The following CFAP54 variants were observed in gnomAD, a reference collection of about 807,000 sequenced individuals.
CFAP54 encodes cilia and flagella associated protein 54, also known as cilia- and flagella-associated protein 54.
Under a neutral mutation model 370.4 loss-of-function variants are expected in CFAP54, and 290 were observed. That is an observed-to-expected ratio of 0.78 (90% CI 0.71 to 0.86). The LOEUF (loss-of-function observed/expected upper bound fraction) is 0.86, where lower values mean the gene tolerates loss of function less well. CFAP54 is among the 40% of genes least tolerant of loss of function. CFAP54 has a pLI of 0.00. For missense variants in CFAP54, 3,399 were observed against 3,528.7 expected (o/e 0.96, Z 0.93); for synonymous variants, 1,206 against 1,236.5 (o/e 0.98, Z 0.52).
intron 21 of CFAP54, 50 bp downstream of exon 21, chr12:96,580,739 T>G: frequency 8.1e-7 from 1 of 1,240,760 alleles, no homozygotes. Flanking sequence ...TTAATGATAA[T>G]TAAATTTTTA....
chr12:96,661,786 C>T (rs887477545), intron 38 of CFAP54, among the ~76,000 whole-genome samples: 18 of 152,132 alleles, frequency 1.2e-4, no homozygotes, highest in Non-Finnish European at 4.4e-5. Context: ...CCTCTCTTTC[C>T]TCCTCATAGT....
intron 14 of CFAP54, among the ~76,000 whole-genome samples, chr12:96,542,981 A>G (rs1310647688): frequency 1.3e-5 from 2 of 152,140 alleles, no homozygotes; most frequent in Non-Finnish European, 2.9e-5. Context: ...ATTTCCCTCC[A>G]TGTGATGTTG....
chr12:96,828,970 CTAA>C (rs1373655690), intron 65 of CFAP54, 41 bp from the exon 66 acceptor site: 1 of 1,004,114 alleles, frequency 1.0e-6, no homozygotes, highest in East Asian at 2.6e-5. Context: ...ATTTAGGTTT[CTAA>C]TAATATCAAC....
chr12:96,713,281 C>T (rs1957634659), intron 48 of CFAP54, among the ~76,000 whole-genome samples: 1 of 152,084 alleles, frequency 6.6e-6, no homozygotes, highest in Non-Finnish European at 1.5e-5. Flanking sequence ...TGGAATCAAC[C>T]TAAGTGTCCA....
chr12:96,551,686 A>G (rs1488751708), intron 15 of CFAP54, among the ~76,000 whole-genome samples: 1 of 152,202 alleles, frequency 6.6e-6, no homozygotes, highest in African/African-American at 2.4e-5. Context: ...GATAATATTC[A>G]ACAACCATCT....
At position 96,797,339 on chromosome 12, in the gene CFAP54, G is replaced by T. The variant is rs76182781; in HGVS notation, c.8850+4840G>T. ...TATTTATGTGTAGTAGGTGAGTTTG[G>T]CCAGTCTTGTTCAAATCATCTATAT... On this transcript the variant is annotated intron_variant, in intron 63 of 67. Transcript: ENST00000524981. 3.9e-3 allele frequency among the ~76,000 whole-genome samples: 593 copies of T among 151,986 alleles called. 4 individuals are homozygous for T. Among genetic ancestry groups the T allele is most frequent in the African/African-American group, 0.013 (558 of 41,506 alleles).
chr12:96,511,524 G>A (rs1295151852), intron 4 of CFAP54, among the ~76,000 whole-genome samples: 2 of 152,150 alleles, frequency 1.3e-5, no homozygotes, highest in Non-Finnish European at 2.9e-5. Flanking sequence ...CTCCACGTTG[G>A]CCAGGCTGAT....
At chr12:96,799,962 A>G (rs1013543297) in intron 63 of CFAP54, among the ~76,000 whole-genome samples, 2 of 152,206 alleles carry the variant, frequency 1.3e-5, no homozygotes, top group Non-Finnish European at 2.9e-5. Context: ...GGTCTTCAGC[A>G]TACGTCAAAT....
chr12:96,506,033 A>G (rs1024392041), intron 3 of CFAP54, among the ~76,000 whole-genome samples: 1 of 152,120 alleles, frequency 6.6e-6, no homozygotes, highest in Admixed American at 6.5e-5. Flanking sequence ...GCCACTGGGG[A>G]GCTTATAACA....
rs60306254 is a variant in CFAP54, at chr12:96,634,660, A to C, written c.4316+4009A>C. ...TGTGCTTTTGGTGGCAAATCTAAAAACTTTTTGCCTAATCGTAGGTCCTTT... is the reference window on the plus strand; with the variant it reads ...TGTGCTTTTGGTGGCAAATCTAAAACCTTTTTGCCTAATCGTAGGTCCTTT... On this transcript the variant is annotated intron_variant, in intron 32 of 67. Coordinates refer to ENST00000524981, the MANE Select transcript of CFAP54 (RefSeq NM_001306084.2). Among the ~76,000 whole-genome samples, 222 of 152,054 alleles carry C rather than the reference A, an allele frequency of 1.5e-3. 2 individuals carry two copies. The East Asian group carries it at 0.04, about 28-fold the overall frequency.
chr12:96,862,846 G>T (rs1959910807), intron 67 of CFAP54, among the ~76,000 whole-genome samples: 1 of 152,044 alleles, frequency 6.6e-6, no homozygotes. Flanking sequence ...CACTTTGAAG[G>T]GTTTGCATTT....
intron 6 of CFAP54, among the ~76,000 whole-genome samples, chr12:96,520,466 C>G (rs751823237): frequency 4.6e-5 from 7 of 152,162 alleles, no homozygotes; most frequent in Non-Finnish European, 8.8e-5. Context: ...AAGCTGAGAT[C>G]GCACCGTTGC....
At chr12:96,551,482 G>GGTGTGTGTGT (rs1420792545) in intron 15 of CFAP54, among the ~76,000 whole-genome samples, 8 of 98,338 alleles carry the variant, frequency 8.1e-5, no homozygotes, top group African/African-American at 2.4e-4. Flanking sequence ...TTCTTGAATG[G>GGTGTGTGTGT]GTATGTGTGT....
intron 63 of CFAP54, among the ~76,000 whole-genome samples, chr12:96,795,895 C>T (rs2136706855): frequency 6.6e-6 from 1 of 152,266 alleles, no homozygotes; most frequent in Non-Finnish European, 1.5e-5. Context: ...ACTGGCAGCC[C>T]TCCCCAAGGA....
chr12:96,563,789 G>T (rs1010886059), intron 17 of CFAP54, among the ~76,000 whole-genome samples: 1 of 152,152 alleles, frequency 6.6e-6, no homozygotes, highest in Non-Finnish European at 1.5e-5. Context: ...AATACTACCA[G>T]GTCTCTTAAG....
intron 50 of CFAP54, among the ~76,000 whole-genome samples, chr12:96,728,772 G>A (rs1957877278): frequency 6.6e-6 from 1 of 152,148 alleles, no homozygotes. Flanking sequence ...AGAGTTTCCA[G>A]TTTTTCTGCT....
intron 1 of CFAP54, among the ~76,000 whole-genome samples, chr12:96,495,778 A>C (rs971345657): frequency 6.6e-6 from 1 of 152,090 alleles, no homozygotes; most frequent in African/African-American, 2.4e-5. Flanking sequence ...CCTTAACCTG[A>C]ACTTAGGGTT....
At chr12:96,722,393 T>C (rs1957767298) in intron 50 of CFAP54, among the ~76,000 whole-genome samples, 1 of 152,142 alleles carries the variant, frequency 6.6e-6, no homozygotes. Flanking sequence ...CATGCAAATA[T>C]CTATAGACAA....
At chr12:96,654,458 G>A (rs1445769230) in intron 36 of CFAP54, among the ~76,000 whole-genome samples, 2 of 148,226 alleles carry the variant, frequency 1.3e-5, no homozygotes, top group Admixed American at 6.8e-5. Flanking sequence ...CCGAGATCCC[G>A]CCGCTGCACT....
Sources: gnomAD v4.1 joint callset for allele counts (sites outside exome capture counted in the v4.1 genomes callset) on GRCh38, gnomAD v4.1.1 for gene constraint, MANE v1.5 for transcripts, NCBI Gene and HGNC (gene_info 2026-07-23, HGNC 2026-07-21) for gene names.